NRP1: variants seen among roughly 807,000 people sequenced by gnomAD.
NRP1 encodes neuropilin 1, also known as neuropilin-1.
A neutral mutation model predicts 106.7 loss-of-function variants in NRP1; 35 were observed. That is an observed-to-expected ratio of 0.33 (90% CI 0.25 to 0.43). NRP1 has a LOEUF of 0.43. Ranked by LOEUF, NRP1 falls within the 20% of genes least tolerant of loss-of-function variation. The pLI, the probability that NRP1 is intolerant of heterozygous loss-of-function variation, is 1.00. For synonymous variants in NRP1, 437 were observed against 417.9 expected, an observed-to-expected ratio of 1.05 and a Z score of -0.56; for missense variants, 1,024 against 1,170.4, an observed-to-expected ratio of 0.87 and a Z score of 1.83.
At chr10:33,300,085 C>T (rs931538367) in intron 2 of NRP1, among the ~76,000 whole-genome samples, 3 of 152,202 alleles carry the variant, frequency 2.0e-5, no homozygotes, top group Admixed American at 2.0e-4. Flanking sequence ...TTCACAGTCC[C>T]CTGTATTCCT....
intron 2 of NRP1, among the ~76,000 whole-genome samples, chr10:33,327,470 A>G (rs939320404): frequency 1.3e-5 from 2 of 152,196 alleles, no homozygotes; most frequent in African/African-American, 4.8e-5. Flanking sequence ...AAGAGTGATA[A>G]CTAAAAGCTC....
intron 6 of NRP1, among the ~76,000 whole-genome samples, chr10:33,238,905 CTGTG>C (rs34194923): frequency 8.1e-5 from 12 of 148,604 alleles, no homozygotes; most frequent in African/African-American, 9.9e-5. Flanking sequence ...GTGGGTGCCT[CTGTG>C]TGTGTGTGTG....
chr10:33,267,316 A>G (rs1220340440), intron 3 of NRP1, among the ~76,000 whole-genome samples: 2 of 152,196 alleles, frequency 1.3e-5, no homozygotes, highest in African/African-American at 2.4e-5. Flanking sequence ...GGAGATGAGC[A>G]GGAGTGAGGC....
At position 33,293,541 on chromosome 10, in the gene NRP1, G is replaced by GC. The variant is rs1380804346; in HGVS notation, c.249-22686dup. Among the ~76,000 whole-genome samples the GC allele has an allele frequency of 2.0e-5, 3 of 152,256 alleles. 1 individual carries two copies. The South Asian group carries it at 6.2e-4, about 32-fold the overall frequency. On this transcript the variant is annotated intron_variant, in intron 2 of 16. Coordinates refer to ENST00000374867, the MANE Select transcript of NRP1 (RefSeq NM_003873.7). ...TAAATGCTACCGATAAGGAAACAGA[G>GC]CCCCCCGTAAGTTATGTGGGCTGCT...
chr10:33,246,991 C>G (rs1888687), intron 6 of NRP1, among the ~76,000 whole-genome samples: 26,829 of 152,144 alleles, frequency 0.18, 2,798 homozygotes, highest in East Asian at 0.51. Flanking sequence ...GGCGATACCT[C>G]TTCCACGCTC....
At chr10:33,264,177 T>A (rs1478846616) in intron 3 of NRP1, among the ~76,000 whole-genome samples, 1 of 152,198 alleles carries the variant, frequency 6.6e-6, no homozygotes, top group Non-Finnish European at 1.5e-5. Context: ...GCTGCAGAAA[T>A]CTCAACAGAG....
chr10:33,179,968 G>A lies in NRP1; in HGVS notation c.*108C>T, dbSNP rs148999764. On this transcript the variant is annotated 3_prime_UTR_variant, in exon 17 of 17. Coordinates refer to ENST00000374867, the MANE Select transcript of NRP1 (RefSeq NM_003873.7). ...GCTCCTGAGAAAAGCCTGGCTCAGT[G>A]GTCATCAACACACTTCCCAGCCTGT... 8.8e-7 allele frequency: 1 copy of A among 1,134,354 alleles called. No individual in the cohort carries two copies. Among genetic ancestry groups the A allele is most frequent in the Non-Finnish European group, 1.3e-6 (1 of 780,326 alleles). 70.3% of individuals were successfully genotyped at this position (1,134,354 alleles called of 1,614,324 possible). A position where few individuals can be genotyped will look rare whatever the true frequency, so the allele number is the denominator to read the frequency against.
chr10:33,223,906 A>G (rs1839451702), intron 7 of NRP1, among the ~76,000 whole-genome samples: 2 of 152,186 alleles, frequency 1.3e-5, no homozygotes, highest in Non-Finnish European at 2.9e-5. Flanking sequence ...GCCCTGGTGC[A>G]GGCAGAGGGG....
At chr10:33,202,718 A>T (rs771917374) in intron 11 of NRP1, 173 bp downstream of exon 11, 7 of 1,553,336 alleles carry the variant, frequency 4.5e-6, no homozygotes, top group African/African-American at 1.4e-5. Flanking sequence ...AGAACAACTC[A>T]TCTATCCAGA....
At chr10:33,267,884 G>A (rs1477758067) in intron 3 of NRP1, among the ~76,000 whole-genome samples, 1 of 152,160 alleles carries the variant, frequency 6.6e-6, no homozygotes, top group African/African-American at 2.4e-5. Flanking sequence ...TGACTGTCAG[G>A]CAAAGATGAC....
intron 8 of NRP1, among the ~76,000 whole-genome samples, chr10:33,215,187 A>G (rs1471714527): frequency 6.6e-6 from 1 of 152,182 alleles, no homozygotes; most frequent in Non-Finnish European, 1.5e-5. Context: ...CAGTTAAGCA[A>G]TTCTCTTCTC....
chr10:33,237,568 T>C (rs1395881963), intron 6 of NRP1, among the ~76,000 whole-genome samples: 1 of 142,098 alleles, frequency 7.0e-6, no homozygotes, highest in East Asian at 2.1e-4. Context: ...ATGAATATTT[T>C]CCTTCTTCTT....
chr10:33,237,277 A>G (rs1253939890), intron 6 of NRP1, among the ~76,000 whole-genome samples: 4 of 152,170 alleles, frequency 2.6e-5, no homozygotes, highest in Admixed American at 1.3e-4. Flanking sequence ...GACTGAAAGT[A>G]AAAAGTGTCA....
chr10:33,279,709 A>T (rs1357688432), intron 2 of NRP1, among the ~76,000 whole-genome samples: 1 of 152,128 alleles, frequency 6.6e-6, no homozygotes, highest in Non-Finnish European at 1.5e-5. Context: ...CCCTCTTGGA[A>T]TTCTGCCTAC....
intron 7 of NRP1, among the ~76,000 whole-genome samples, chr10:33,224,745 G>C (rs1338676675): frequency 6.6e-6 from 1 of 152,016 alleles, no homozygotes; most frequent in Non-Finnish European, 1.5e-5. Flanking sequence ...ACAAGTCCCA[G>C]TGTGTGTTGT....
At position 33,254,174 on chromosome 10, in the gene NRP1, G is replaced by C; in HGVS notation, c.835C>G (p.Leu279Val). 1.2e-6 allele frequency: 2 copies of C among 1,611,848 alleles called. No homozygotes were observed. The highest frequency in any genetic ancestry group is 1.7e-6 in the Non-Finnish European group (2 of 1,179,514). ...TGAATTTCTCCTGATTCCATGCCCA[G>C]AGCTTCCATACATTTGAAATCTGAA... The part of the protein sequence containing the change: ...VSEDFKCMEA[L>V]GMESGEIHSD... The change falls in exon 6 of 17, where the codon CTG becomes GTG. Residue 279 changes from leucine (L) to valine (V), a missense_variant. Physicochemically the swap from Leu to Val is conservative, Grantham distance 32. Transcript: ENST00000374867.
At chr10:33,191,829 T>A in intron 13 of NRP1, among the ~76,000 whole-genome samples, 1 of 151,542 alleles carries the variant, frequency 6.6e-6, no homozygotes, top group East Asian at 1.9e-4. Context: ...ATACAAAAAA[T>A]TAGCTGGGTG....
In NRP1 at chr10:33,257,817, C is replaced by CT. The variant is rs1055760205; in HGVS notation, c.659-1347dup. On this transcript the variant is annotated intron_variant, in intron 4 of 16. Coordinates refer to ENST00000374867, the MANE Select transcript of NRP1 (RefSeq NM_003873.7). ...CGACAAGCCACACATAAAAAAGTCCCTTTTTTTTTTCTCTAGGTTTTTTCA... is the reference window on the plus strand; with the variant it reads ...CGACAAGCCACACATAAAAAAGTCCCTTTTTTTTTTTCTCTAGGTTTTTTCA... Among the ~76,000 whole-genome samples the CT allele has an allele frequency of 4.0e-4, 60 of 149,076 alleles. 1 individual carries two copies. Among genetic ancestry groups the CT allele is most frequent in the Admixed American group, 1.9e-3 (28 of 14,942 alleles).
In NRP1 at chr10:33,178,062, A is replaced by G. The variant is rs886282444; in HGVS notation, c.*2014T>C. 6.6e-6 allele frequency: 1 copy of G among 152,632 alleles called. No individual in the cohort carries two copies. The highest frequency in any genetic ancestry group is 1.5e-5 in the Non-Finnish European group (1 of 68,040). The allele number at this position is 152,632 out of a possible 1,614,324, so 9.5% of individuals were successfully genotyped here. On this transcript the variant is annotated 3_prime_UTR_variant, in exon 17 of 17. Transcript: ENST00000374867. ...AGTGCTTTCCTTCTGGTAGGATTAT[A>G]TCAACTAAATGAATGTCTCTGGGGA...
Sources: gnomAD v4.1 joint callset for allele counts (sites outside exome capture counted in the v4.1 genomes callset) on GRCh38, gnomAD v4.1.1 for gene constraint, MANE v1.5 for transcripts, NCBI Gene and HGNC (gene_info 2026-07-23, HGNC 2026-07-21) for gene names.